The following FRYL variants were observed in gnomAD, a reference collection of about 807,000 sequenced individuals.
The protein encoded by FRYL is protein furry homolog-like.
Under a neutral mutation model 351.2 loss-of-function variants are expected in FRYL, and 150 were observed. The ratio of observed to expected loss-of-function variants is 0.43; its 90% CI spans 0.37 to 0.49. The LOEUF (loss-of-function observed/expected upper bound fraction) is 0.49. Ranked by LOEUF, FRYL falls within the 20% of genes least tolerant of loss-of-function variation. FRYL has a pLI of 0.00. For missense variants in FRYL, 3,036 were observed against 3,619.3 expected (o/e 0.84, Z 4.13); for synonymous variants, 1,153 against 1,257.1 (o/e 0.92, Z 1.75).
At chr4:48,697,771 A>G (rs1334012259) in intron 2 of FRYL, among the ~76,000 whole-genome samples, 10 of 152,228 alleles carry the variant, frequency 6.6e-5, no homozygotes, top group Non-Finnish European at 1.5e-4. Flanking sequence ...AAAATGAAGC[A>G]TACTTTTAAA....
intron 32 of FRYL, 72 bp downstream of exon 32, chr4:48,562,817 A>G (rs1456175426): frequency 2.8e-5 from 24 of 861,928 alleles, no homozygotes. Flanking sequence ...GTATGCTTTA[A>G]TAGCAAGACT....
chr4:48,760,889 G>C (rs778515644), intron 1 of FRYL, among the ~76,000 whole-genome samples: 7 of 151,980 alleles, frequency 4.6e-5, no homozygotes, highest in Non-Finnish European at 8.8e-5. Context: ...TGTTGACCAG[G>C]CTGGTCTAGA....
intron 3 of FRYL, among the ~76,000 whole-genome samples, chr4:48,655,892 A>ATAATTCTATGTACATTATATATAATGTG (rs936286656): frequency 1.7e-4 from 24 of 137,780 alleles, no homozygotes; most frequent in African/African-American, 5.1e-4. Context: ...TATATAATGT[A>ATAATTCTATGTACATTATATATAATGTG]TAATTCTATG....
intron 3 of FRYL, among the ~76,000 whole-genome samples, chr4:48,666,565 T>G (rs1250147348): frequency 1.3e-5 from 2 of 152,108 alleles, no homozygotes. Context: ...AAAGCTAACT[T>G]CATAATCTTA....
intron 30 of FRYL, 84 bp downstream of exon 30, chr4:48,564,849 A>C: frequency 1.5e-6 from 1 of 663,364 alleles, no homozygotes; most frequent in Non-Finnish European, 2.5e-6. Context: ...TTTTTAAAAG[A>C]CTTGTTTTTA....
chr4:48,691,433 C>T (rs778097373), intron 2 of FRYL, among the ~76,000 whole-genome samples: 3 of 151,962 alleles, frequency 2.0e-5, no homozygotes, highest in Non-Finnish European at 4.4e-5. Context: ...TAATATTCCA[C>T]ATACATTTTT....
chr4:48,753,360 G>A (rs1773443512), intron 1 of FRYL, among the ~76,000 whole-genome samples: 1 of 152,066 alleles, frequency 6.6e-6, no homozygotes, highest in Non-Finnish European at 1.5e-5. Flanking sequence ...GAGAAAAGAA[G>A]GATTTCAATT....
At chr4:48,736,907 A>G (rs1436120322) in intron 1 of FRYL, among the ~76,000 whole-genome samples, 1 of 151,526 alleles carries the variant, frequency 6.6e-6, no homozygotes, top group East Asian at 1.9e-4. Context: ...ACTATGAACA[A>G]TGTGATCAAT....
chr4:48,658,476 A>C (rs765332061), intron 3 of FRYL, among the ~76,000 whole-genome samples: 18 of 150,552 alleles, frequency 1.2e-4, no homozygotes, highest in Non-Finnish European at 2.7e-4. Context: ...GGTGGCTCAC[A>C]TCTGTAATCC....
intron 1 of FRYL, among the ~76,000 whole-genome samples, chr4:48,765,422 T>C (rs1383685940): frequency 6.6e-6 from 1 of 152,218 alleles, no homozygotes; most frequent in East Asian, 1.9e-4. Flanking sequence ...TCCTCAATAA[T>C]GGTTTGGGAA....
intron 1 of FRYL, among the ~76,000 whole-genome samples, chr4:48,739,165 C>G (rs1291391953): frequency 2.0e-5 from 3 of 152,070 alleles, no homozygotes; most frequent in Non-Finnish European, 4.4e-5. Context: ...CATTGGGAGG[C>G]CCAGGCAGGT....
In FRYL at chr4:48,527,959, A is replaced by G; in HGVS notation, c.7140+12T>C. ...CTTTAAGACCTTGACACAGGTCTTC[A>G]TGATTACTCACTGATGGGTTCTTTG... is the stretch of plus-strand genomic sequence containing the variant. On this transcript the variant is annotated intron_variant, in intron 52 of 63. Coordinates refer to ENST00000358350, the MANE Select transcript of FRYL (RefSeq NM_015030.2). 1.9e-6 allele frequency: 3 copies of G among 1,548,476 alleles called. No individual in the cohort carries two copies. Among genetic ancestry groups the G allele is most frequent in the Non-Finnish European group, 2.6e-6 (3 of 1,151,696 alleles).
intron 47 of FRYL, among the ~76,000 whole-genome samples, chr4:48,538,780 T>C (rs1338171183): frequency 1.3e-5 from 2 of 151,990 alleles, no homozygotes; most frequent in Non-Finnish European, 2.9e-5. Context: ...TTCACTCACC[T>C]CCCCCAGTTC....
In FRYL at chr4:48,614,721, C is replaced by CAAAA. The variant is rs1161734085; in HGVS notation, c.411+4549_411+4552dup. On this transcript the variant is annotated intron_variant, in intron 7 of 63. Transcript: ENST00000358350. ...TGGGCAACAGAGTGAGACTCCATCT[C>CAAAA]AAAAAAAAAAAAAAAAAAAAAAGAG... is the stretch of plus-strand genomic sequence containing the variant. Among the ~76,000 whole-genome samples the CAAAA allele has an allele frequency of 5.9e-3, 279 of 47,020 alleles. 46 individuals are homozygous for CAAAA. The highest frequency in any genetic ancestry group is 0.042 in the Middle Eastern group (1 of 24). The allele number at this position is 47,020 out of a possible 152,430, so 30.8% of individuals were successfully genotyped here.
At chr4:48,671,001 T>G (rs1762567039) in intron 3 of FRYL, among the ~76,000 whole-genome samples, 1 of 152,162 alleles carries the variant, frequency 6.6e-6, no homozygotes, top group Non-Finnish European at 1.5e-5. Flanking sequence ...TCACTCTATT[T>G]TTAGATTTCT....
At chr4:48,614,459 C>A (rs62309684) in intron 7 of FRYL, among the ~76,000 whole-genome samples, 1 of 152,078 alleles carries the variant, frequency 6.6e-6, no homozygotes, top group Non-Finnish European at 1.5e-5. Context: ...CAATGGCACA[C>A]GCCTGTAATC....
At chr4:48,683,693 A>G (rs550024604) in intron 3 of FRYL, among the ~76,000 whole-genome samples, 26 of 152,292 alleles carry the variant, frequency 1.7e-4, no homozygotes, top group African/African-American at 6.0e-4. Context: ...GCAGGTATAG[A>G]TTCAACAGGA....
Position 48,514,587 on chromosome 4 carries a change from T to C in FRYL, c.7937+441A>G, listed in dbSNP as rs530826892. On this transcript the variant is annotated intron_variant, in intron 56 of 63. Coordinates refer to ENST00000358350, the MANE Select transcript of FRYL (RefSeq NM_015030.2). ...TCTAAGAAATAATTGCTTCGCCTAT[T>C]ATAGAAATAAAACTTTAAAAATATG... Among the ~76,000 whole-genome samples the C allele has an allele frequency of 3.3e-5, 5 of 152,342 alleles. No homozygotes were observed. The South Asian group carries it at 1.0e-3, about 32-fold the overall frequency.
At position 48,719,524 on chromosome 4, in the gene FRYL, A is replaced by G. The variant is rs546468402; in HGVS notation, c.-383-8826T>C. On this transcript the variant is annotated intron_variant, in intron 1 of 63. Coordinates refer to ENST00000358350, the MANE Select transcript of FRYL (RefSeq NM_015030.2). ...CTTAGAATAATTGCTGGTAGATAAT[A>G]CTCAACAAATGTTATTACTCTTGTT... is the stretch of plus-strand genomic sequence containing the variant. Among the ~76,000 whole-genome samples, 8 of 151,856 alleles carry G rather than the reference A, an allele frequency of 5.3e-5. 1 individual carries two copies. The South Asian group carries it at 1.7e-3, about 32-fold the overall frequency.
Sources: gnomAD v4.1 joint callset for allele counts (sites outside exome capture counted in the v4.1 genomes callset) on GRCh38, gnomAD v4.1.1 for gene constraint, MANE v1.5 for transcripts, NCBI Gene and HGNC (gene_info 2026-07-23, HGNC 2026-07-21) for gene names.